The following GOLGA5 variants were observed in gnomAD, a reference collection of about 807,000 sequenced individuals.
GOLGA5 encodes golgin subfamily A member 5.
In GOLGA5, 50 loss-of-function variants were observed where a neutral mutation model predicts 93.5. That is an observed-to-expected ratio of 0.53 (90% CI 0.43 to 0.68). The LOEUF (loss-of-function observed/expected upper bound fraction) is 0.68. Ranked by LOEUF, GOLGA5 falls within the 30% of genes least tolerant of loss-of-function variation. The pLI, the probability that GOLGA5 is intolerant of heterozygous loss-of-function variation, is 0.00. For missense variants in GOLGA5, 760 were observed against 856.4 expected, an observed-to-expected ratio of 0.89 and a Z score of 1.40; for synonymous variants, 312 against 304.5, an observed-to-expected ratio of 1.02 and a Z score of -0.26.
chr14:92,829,965 T>C (rs1408707015), intron 9 of GOLGA5, among the ~76,000 whole-genome samples: 1 of 152,114 alleles, frequency 6.6e-6, no homozygotes, highest in Non-Finnish European at 1.5e-5. Flanking sequence ...GGCAAGACTC[T>C]CCACCAACAA....
intron 7 of GOLGA5, among the ~76,000 whole-genome samples, chr14:92,817,489 CTTATAAT>C (rs1885234393): frequency 6.6e-6 from 1 of 151,976 alleles, no homozygotes; most frequent in African/African-American, 2.4e-5. Flanking sequence ...TATCCTTATT[CTTATAAT>C]TTATAGTTTA....
chr14:92,828,918 G>A (rs533974783), intron 9 of GOLGA5, among the ~76,000 whole-genome samples: 5 of 151,992 alleles, frequency 3.3e-5, no homozygotes, highest in Non-Finnish European at 5.9e-5. Flanking sequence ...ATCCACCTGC[G>A]TCAGCGTCCC....
chr14:92,807,802 T>C (rs1378429909), intron 3 of GOLGA5, among the ~76,000 whole-genome samples: 1 of 84,972 alleles, frequency 1.2e-5, no homozygotes, highest in Non-Finnish European at 2.2e-5. Flanking sequence ...AATGTTATTG[T>C]AAGTGTGGCT....
At chr14:92,809,065 A>G (rs1885050365) in intron 3 of GOLGA5, among the ~76,000 whole-genome samples, 1 of 152,176 alleles carries the variant, frequency 6.6e-6, no homozygotes. Context: ...TAGAAACAGC[A>G]TTGTAGAAGA....
chr14:92,834,192 T>TC, intron 10 of GOLGA5, among the ~76,000 whole-genome samples: 1 of 141,428 alleles, frequency 7.1e-6, no homozygotes, highest in Admixed American at 7.2e-5. Context: ...ACCTTTTTTT[T>TC]TTTATTTTAT....
At chr14:92,832,988 T>A in intron 9 of GOLGA5, 134 bp from the exon 10 acceptor site, 1 of 626,226 alleles carries the variant, frequency 1.6e-6, no homozygotes, top group South Asian at 1.9e-5. Context: ...ATCACTTTTG[T>A]AGACATTGAG....
At chr14:92,838,735 C>T (rs1885698666) in intron 12 of GOLGA5, among the ~76,000 whole-genome samples, 1 of 152,132 alleles carries the variant, frequency 6.6e-6, no homozygotes, top group South Asian at 2.1e-4. Flanking sequence ...AGAAAGCATT[C>T]AGAATATGCC....
At chr14:92,808,424 A>G (rs992984113) in intron 3 of GOLGA5, among the ~76,000 whole-genome samples, 6 of 152,208 alleles carry the variant, frequency 3.9e-5, no homozygotes, top group Non-Finnish European at 8.8e-5. Flanking sequence ...TGCTGAAGCC[A>G]GGAGTTCAAT....
At chr14:92,809,171 T>C (rs538682134) in intron 3 of GOLGA5, 129 bp from the exon 4 acceptor site, 1 of 626,380 alleles carries the variant, frequency 1.6e-6, no homozygotes, top group African/African-American at 1.8e-5. Context: ...CAAAGAAAAT[T>C]GAAGACGTGT....
chr14:92,801,968 T>C (rs1304701032), intron 2 of GOLGA5, among the ~76,000 whole-genome samples: 2 of 152,214 alleles, frequency 1.3e-5, no homozygotes, highest in African/African-American at 4.8e-5. Context: ...GGTAGCTTCT[T>C]CCACCTTGTG....
At chr14:92,801,764 A>G (rs1042113986) in intron 2 of GOLGA5, among the ~76,000 whole-genome samples, 13 of 148,096 alleles carry the variant, frequency 8.8e-5, no homozygotes, top group Middle Eastern at 3.4e-3. Context: ...TAGGGAAATC[A>G]GCTATTCTAG....
intron 8 of GOLGA5, among the ~76,000 whole-genome samples, chr14:92,820,426 A>G (rs992400328): frequency 3.3e-5 from 5 of 152,248 alleles, no homozygotes; most frequent in African/African-American, 1.2e-4. Flanking sequence ...CTATCTCAGA[A>G]TAGAACAAAT....
intron 8 of GOLGA5, among the ~76,000 whole-genome samples, chr14:92,820,418 A>G (rs1444871880): frequency 6.6e-6 from 1 of 152,220 alleles, no homozygotes; most frequent in Non-Finnish European, 1.5e-5. Context: ...TTTTTCTCCT[A>G]TCTCAGAATA....
intron 7 of GOLGA5, among the ~76,000 whole-genome samples, chr14:92,816,885 T>C (rs915767267): frequency 6.6e-6 from 1 of 151,974 alleles, no homozygotes; most frequent in Non-Finnish European, 1.5e-5. Flanking sequence ...TCTTTCTTTC[T>C]TTCTTTCCTT....
At chr14:92,837,287 G>A (rs971559192) in intron 11 of GOLGA5, 99 bp from the exon 12 acceptor site, 31 of 646,028 alleles carry the variant, frequency 4.8e-5, no homozygotes, top group Non-Finnish European at 7.7e-5. Flanking sequence ...TAGTTTAAAT[G>A]AGTTAAATTT....
At chr14:92,820,114 C>T (rs558088139) in intron 8 of GOLGA5, among the ~76,000 whole-genome samples, 2 of 152,286 alleles carry the variant, frequency 1.3e-5, no homozygotes, top group East Asian at 1.9e-4. Flanking sequence ...GCTCAGCATA[C>T]GGAGGACCTT....
At chr14:92,809,649 T>G in intron 4 of GOLGA5, 130 bp downstream of exon 4, 1 of 665,640 alleles carries the variant, frequency 1.5e-6, no homozygotes, top group Non-Finnish European at 2.6e-6. Flanking sequence ...GTTAGAAATG[T>G]GTATGATTAA....
chr14:92,839,207 C>G lies in GOLGA5; in HGVS notation c.2116-159C>G, dbSNP rs1242327612. The stretch of plus-strand genomic sequence containing the variant: ...GGAGTAGCAAGTCTTTATTACCTTC[C>G]ATTGCACTGAGCTCATTTAGTTGTT... On this transcript the variant is annotated intron_variant, in intron 12 of 12. Coordinates refer to ENST00000163416, the MANE Select transcript of GOLGA5 (RefSeq NM_005113.4). 2.6e-5 allele frequency among the ~76,000 whole-genome samples: 4 copies of G among 152,194 alleles called. No individual in the cohort carries two copies. The East Asian group carries it at 5.8e-4, about 22-fold the overall frequency.
rs529673746 is a variant in GOLGA5 at position 92,815,276 on chromosome 14, A to G, written c.1321-975A>G. Among the ~76,000 whole-genome samples, 4 of 152,310 alleles carry G rather than the reference A, an allele frequency of 2.6e-5. No individual in the cohort carries two copies. In the South Asian group the frequency reaches 8.3e-4, roughly 32 times the overall value. On this transcript the variant is annotated intron_variant, in intron 6 of 12. Transcript: ENST00000163416. ...TTTAAAAAAGTCTACCCATATTTCAAGGCCAACATTTATGCTCTCTTAAAG... is the reference window on the plus strand; with the variant it reads ...TTTAAAAAAGTCTACCCATATTTCAGGGCCAACATTTATGCTCTCTTAAAG...
Sources: allele counts gnomAD v4.1 joint callset (sites outside exome capture counted in the v4.1 genomes callset), GRCh38; gene constraint gnomAD v4.1.1; transcripts MANE v1.5; gene names NCBI Gene and HGNC (gene_info 2026-07-23, HGNC 2026-07-21).